The following KIAA1217 variants were observed in gnomAD, a reference collection of about 807,000 sequenced individuals.
KIAA1217 encodes the protein sickle tail protein homolog.
A neutral mutation model predicts 163.9 loss-of-function variants in KIAA1217; 88 were observed. The observed-to-expected ratio is 0.54, with a 90% CI of 0.45 to 0.64. The LOEUF (loss-of-function observed/expected upper bound fraction) is 0.64, where lower values mean the gene tolerates loss of function less well. Ranked by LOEUF, KIAA1217 falls within the 30% of genes least tolerant of loss-of-function variation. KIAA1217 has a pLI of 0.00. For synonymous variants in KIAA1217, 903 were observed against 923.1 expected (o/e 0.98, Z 0.39); for missense variants, 2,372 against 2,475.0 (o/e 0.96, Z 0.88).
intron 1 of KIAA1217, among the ~76,000 whole-genome samples, chr10:23,719,911 TCAAA>T (rs963876999): frequency 1.3e-5 from 2 of 152,102 alleles, no homozygotes; most frequent in Middle Eastern, 3.4e-3. Flanking sequence ...AGACTCCGCC[TCAAA>T]CAAACAAAAA....
chr10:24,302,977 G>A (rs930550241), intron 2 of KIAA1217, among the ~76,000 whole-genome samples: 2 of 152,058 alleles, frequency 1.3e-5, no homozygotes, highest in African/African-American at 2.4e-5. Flanking sequence ...CTGTAGTAAA[G>A]GCTTGAATTT....
rs147619527 is a variant in KIAA1217, at chr10:23,789,040, G to A, written c.-321+93806G>A. Among the ~76,000 whole-genome samples the A allele has an allele frequency of 3.2e-3, 482 of 152,266 alleles. 4 individuals carry two copies. The highest frequency in any genetic ancestry group is 5.7e-3 in the Non-Finnish European group (385 of 68,010). ...GCCAATAAAAGGCAAAGCTCTTTTT[G>A]CATCTCTATAATTCTTAATAAAATT... On this transcript the variant is annotated intron_variant, in intron 1 of 18. Transcript: ENST00000376462.
rs541298172 is a variant in KIAA1217, at chr10:23,982,475, A to G, written c.-320-24750A>G. On this transcript the variant is annotated intron_variant, in intron 1 of 18. Coordinates refer to the KIAA1217 transcript ENST00000376462. ...AGATTTCCCTAAAGTCTTGTGTTTT[A>G]TCTTTAAAAATAGTGGAAACTTTGT... 3.3e-5 allele frequency among the ~76,000 whole-genome samples: 5 copies of G among 150,274 alleles called. No individual in the cohort carries two copies. In the East Asian group the frequency reaches 9.9e-4, roughly 30 times the overall value.
intron 2 of KIAA1217, among the ~76,000 whole-genome samples, chr10:24,189,105 C>CAAAAAAA (rs1286478652): frequency 1.5e-5 from 1 of 65,086 alleles, no homozygotes; most frequent in African/African-American, 5.0e-5. Context: ...GACTCTGTCT[C>CAAAAAAA]AAAAAAAAAA....
At chr10:24,494,245 C>T (rs1299945663) in intron 6 of KIAA1217, among the ~76,000 whole-genome samples, 2 of 152,092 alleles carry the variant, frequency 1.3e-5, no homozygotes, top group Non-Finnish European at 2.9e-5. Context: ...GGAGTGTTTC[C>T]GAGGGAGATG....
At chr10:24,137,084 T>A (rs1333083843) in intron 2 of KIAA1217, among the ~76,000 whole-genome samples, 1 of 152,224 alleles carries the variant, frequency 6.6e-6, no homozygotes, top group Non-Finnish European at 1.5e-5. Context: ...AATTCTGACA[T>A]ATTCATGTAA....
At chr10:24,220,868 C>G (rs2069535111) in intron 2 of KIAA1217, among the ~76,000 whole-genome samples, 2 of 150,080 alleles carry the variant, frequency 1.3e-5, no homozygotes, top group South Asian at 4.2e-4. Flanking sequence ...TCAAGATCCT[C>G]TCATCTCAGC....
At chr10:24,508,104 A>T (rs1047122771) in intron 9 of KIAA1217, among the ~76,000 whole-genome samples, 1 of 152,228 alleles carries the variant, frequency 6.6e-6, no homozygotes, top group Non-Finnish European at 1.5e-5. Flanking sequence ...ATCCCTCACG[A>T]AAATATATGT....
At chr10:23,856,267 A>G (rs1839654948) in intron 1 of KIAA1217, among the ~76,000 whole-genome samples, 1 of 152,190 alleles carries the variant, frequency 6.6e-6, no homozygotes, top group Non-Finnish European at 1.5e-5. Context: ...GGAGTTTGCT[A>G]GAGGTCCACT....
intron 2 of KIAA1217, among the ~76,000 whole-genome samples, chr10:24,275,377 C>T (rs2077170831): frequency 6.6e-6 from 1 of 152,140 alleles, no homozygotes. Context: ...AAACTTGTGG[C>T]ACTAAAAAGA....
chr10:24,343,418 C>T (rs552702175), intron 2 of KIAA1217, among the ~76,000 whole-genome samples: 3 of 152,144 alleles, frequency 2.0e-5, no homozygotes, highest in Middle Eastern at 3.4e-3. Context: ...TGTGTTTGTG[C>T]GAAGCTCCAG....
At chr10:24,164,788 A>T (rs572091121) in intron 2 of KIAA1217, among the ~76,000 whole-genome samples, 1 of 152,218 alleles carries the variant, frequency 6.6e-6, no homozygotes, top group South Asian at 2.1e-4. Flanking sequence ...CTAGGTGGAA[A>T]GGCCCTGCTA....
chr10:23,781,001 T>G (rs1218749519), intron 1 of KIAA1217, among the ~76,000 whole-genome samples: 4 of 152,116 alleles, frequency 2.6e-5, no homozygotes, highest in Non-Finnish European at 4.4e-5. Flanking sequence ...CTTAACCACT[T>G]ATTTATAGAC....
intron 5 of KIAA1217, among the ~76,000 whole-genome samples, chr10:24,457,387 TG>T (rs1226072181): frequency 1.3e-5 from 2 of 151,648 alleles, no homozygotes; most frequent in Non-Finnish European, 2.9e-5. Flanking sequence ...TGGCGGGGTT[TG>T]GGGGGAACAG....
chr10:24,466,600 G>T (rs1799307398), intron 5 of KIAA1217: 1 of 985,280 alleles, frequency 1.0e-6, no homozygotes, highest in Non-Finnish European at 1.2e-6. Context: ...GAACACTCGA[G>T]CTGAGAAACA....
chr10:23,990,794 T>C (rs1846186406), intron 1 of KIAA1217, among the ~76,000 whole-genome samples: 1 of 152,142 alleles, frequency 6.6e-6, no homozygotes, highest in Non-Finnish European at 1.5e-5. Context: ...GGGTCCTAGT[T>C]AAAAAATAAC....
chr10:24,388,738 G>A (rs969247774), intron 3 of KIAA1217, among the ~76,000 whole-genome samples: 9 of 152,064 alleles, frequency 5.9e-5, no homozygotes, highest in Middle Eastern at 3.4e-3. Flanking sequence ...TTCAACAAGC[G>A]GGCGAAGGAT....
In KIAA1217 at chr10:24,132,517, C is replaced by G. The variant is rs137868325; in HGVS notation, c.-170-87109C>G. ...AGATGAATCGGACATTGTCTCTGCC[C>G]TCCGGCAGGACCCAGTCTTCTAAAG... On this transcript the variant is annotated intron_variant, in intron 2 of 18. Transcript: ENST00000376462. Among the ~76,000 whole-genome samples the G allele has an allele frequency of 9.0e-4, 137 of 152,322 alleles. 2 individuals carry two copies. The highest frequency in any genetic ancestry group is 3.2e-3 in the African/African-American group (132 of 41,572).
At chr10:24,176,482 A>G (rs979579292) in intron 2 of KIAA1217, among the ~76,000 whole-genome samples, 1 of 152,140 alleles carries the variant, frequency 6.6e-6, no homozygotes, top group Non-Finnish European at 1.5e-5. Flanking sequence ...TCCCCACTAG[A>G]TTAGCTAGAC....
Sources: gnomAD v4.1 joint callset for allele counts (sites outside exome capture counted in the v4.1 genomes callset) on GRCh38, gnomAD v4.1.1 for gene constraint, MANE v1.5 for transcripts, NCBI Gene and HGNC (gene_info 2026-07-23, HGNC 2026-07-21) for gene names.